Variants in ROBO2 observed in about 807,000 individuals in gnomAD.
ROBO2 encodes roundabout guidance receptor 2.
Under a neutral mutation model 160.8 loss-of-function variants are expected in ROBO2, and 53 were observed. That is an observed-to-expected ratio of 0.33 (90% confidence interval 0.26 to 0.41). The LOEUF (loss-of-function observed/expected upper bound fraction) is 0.41, where lower values mean the gene tolerates loss of function less well. Among genes scored for constraint, ROBO2 ranks in the 10% least tolerant of loss-of-function variants. The probability of loss-of-function intolerance (pLI) is 1.00; values close to 1 mark genes in which losing one functional copy is unlikely to be tolerated. For synonymous variants in ROBO2, 664 were observed against 611.7 expected, an observed-to-expected ratio of 1.09 and a Z score of -1.26; for missense variants, 1,577 against 1,722.4, an observed-to-expected ratio of 0.92 and a Z score of 1.49.
At chr3:76,789,162 G>C (rs1223338260) in intron 2 of ROBO2, among the ~76,000 whole-genome samples, 1 of 151,494 alleles carries the variant, frequency 6.6e-6, no homozygotes, top group Non-Finnish European at 1.5e-5. Flanking sequence ...AAAGAACACT[G>C]TATCCTTAGA....
chr3:77,395,085 C>T (rs375911846), intron 2 of ROBO2, among the ~76,000 whole-genome samples: 7 of 152,176 alleles, frequency 4.6e-5, no homozygotes, highest in East Asian at 3.9e-4. Context: ...AGATGCATAA[C>T]GGAAGAGTTC....
chr3:76,448,443 C>G (rs529621432), intron 2 of ROBO2, among the ~76,000 whole-genome samples: 2 of 152,198 alleles, frequency 1.3e-5, no homozygotes, highest in African/African-American at 2.4e-5. Context: ...GGCCAGTTCA[C>G]CAAGGGCAAA....
At chr3:76,698,627 G>A (rs2597255) in intron 2 of ROBO2, among the ~76,000 whole-genome samples, 54,473 of 152,030 alleles carry the variant, frequency 0.36, 10,182 homozygotes, top group East Asian at 0.56. Flanking sequence ...TGAAAGTGCT[G>A]TGTTCAAGTG....
At position 76,911,020 on chromosome 3, in the gene ROBO2, G is replaced by A. The variant is rs1285265383; in HGVS notation, c.110-186994G>A. Among the ~76,000 whole-genome samples, 3 of 152,170 alleles carry A rather than the reference G, an allele frequency of 2.0e-5. No homozygotes were observed. In the East Asian group the frequency reaches 5.8e-4, roughly 30 times the overall value. ...TAATTTTAATAGTGTATGTGTTGGC[G>A]TGCATTTGGAAAGGTTCTATAATCT... On this transcript the variant is annotated intron_variant, in intron 2 of 26. Coordinates refer to the ROBO2 transcript ENST00000487694.
chr3:77,022,561 T>G (rs2062705195), intron 2 of ROBO2, among the ~76,000 whole-genome samples: 1 of 152,184 alleles, frequency 6.6e-6, no homozygotes, highest in Admixed American at 6.5e-5. Context: ...TTCATCAAAC[T>G]TAAACATAAA....
At chr3:76,468,440 A>G (rs2078474593) in intron 2 of ROBO2, among the ~76,000 whole-genome samples, 1 of 152,086 alleles carries the variant, frequency 6.6e-6, no homozygotes, top group Non-Finnish European at 1.5e-5. Flanking sequence ...AAAGCAATGA[A>G]AGGATACAAT....
At chr3:76,023,501 GAGA>G (rs1019539907) in intron 2 of ROBO2, among the ~76,000 whole-genome samples, 4 of 151,538 alleles carry the variant, frequency 2.6e-5, no homozygotes, top group Admixed American at 1.3e-4. Context: ...GAGGCTTGAG[GAGA>G]AGAAGAGAGA....
chr3:76,752,506 A>C (rs1232646248), intron 2 of ROBO2, among the ~76,000 whole-genome samples: 1 of 151,768 alleles, frequency 6.6e-6, no homozygotes, highest in African/African-American at 2.4e-5. Flanking sequence ...TTTGTGATAC[A>C]TTTTTTCTCT....
chr3:77,457,314 T>C (rs2081762284), intron 2 of ROBO2, among the ~76,000 whole-genome samples: 1 of 152,174 alleles, frequency 6.6e-6, no homozygotes, highest in Non-Finnish European at 1.5e-5. Context: ...TTTTTTTCTT[T>C]CTGTGAGCTC....
intron 2 of ROBO2, among the ~76,000 whole-genome samples, chr3:76,572,844 T>A (rs1165056052): frequency 6.6e-6 from 1 of 152,160 alleles, no homozygotes; most frequent in Non-Finnish European, 1.5e-5. Context: ...ACTTTGTCCA[T>A]CATAGTCCCG....
intron 2 of ROBO2, among the ~76,000 whole-genome samples, chr3:76,203,200 AGAAAGGTTGACTGATAC>A (rs1389052692): frequency 6.6e-6 from 1 of 152,178 alleles, no homozygotes; most frequent in Non-Finnish European, 1.5e-5. Flanking sequence ...CTTTGTACTC[AGAAAGGTTGACTGATAC>A]GGACTCCATC....
intron 2 of ROBO2, among the ~76,000 whole-genome samples, chr3:76,640,021 C>T (rs375288937): frequency 1.6e-4 from 25 of 152,170 alleles, no homozygotes; most frequent in Non-Finnish European, 2.2e-4. Context: ...AGCAAGTCTG[C>T]AGCTACTTTA....
chr3:76,097,620 A>G (rs948165376), intron 2 of ROBO2, among the ~76,000 whole-genome samples: 2 of 152,212 alleles, frequency 1.3e-5, no homozygotes, highest in Non-Finnish European at 2.9e-5. Flanking sequence ...GGAAATTAAA[A>G]TAAACAAAAA....
chr3:77,237,559 C>A (rs2088259303), intron 2 of ROBO2, among the ~76,000 whole-genome samples: 1 of 151,830 alleles, frequency 6.6e-6, no homozygotes, highest in African/African-American at 2.4e-5. Flanking sequence ...ACCACTGCAC[C>A]TGGTGATAGC....
At chr3:77,042,151 C>T (rs1478093380) in intron 1 of ROBO2, among the ~76,000 whole-genome samples, 1 of 152,146 alleles carries the variant, frequency 6.6e-6, no homozygotes, top group African/African-American at 2.4e-5. Context: ...TGCCCCCCAG[C>T]GATAGTGAGG....
intron 2 of ROBO2, among the ~76,000 whole-genome samples, chr3:77,204,621 A>G (rs2083242386): frequency 1.3e-5 from 2 of 152,206 alleles, no homozygotes; most frequent in Non-Finnish European, 2.9e-5. Flanking sequence ...AAAAATAGTT[A>G]ATAATTTTTC....
At chr3:76,595,585 A>G (rs1420168392) in intron 2 of ROBO2, among the ~76,000 whole-genome samples, 2 of 152,100 alleles carry the variant, frequency 1.3e-5, no homozygotes, top group African/African-American at 4.8e-5. Context: ...ATAAAGCATG[A>G]ACGTGATCTT....
At chr3:76,259,805 A>G (rs1160637105) in intron 2 of ROBO2, among the ~76,000 whole-genome samples, 1 of 152,086 alleles carries the variant, frequency 6.6e-6, no homozygotes, top group African/African-American at 2.4e-5. Context: ...CTTGGTCAAC[A>G]AGAAAGACCC....
chr3:77,174,397 A>G (rs1329195023), intron 2 of ROBO2, among the ~76,000 whole-genome samples: 1 of 152,166 alleles, frequency 6.6e-6, no homozygotes, highest in East Asian at 1.9e-4. Flanking sequence ...ATTAGCCCGT[A>G]TTAATAGGCT....
Sources: gnomAD v4.1 joint callset for allele counts (sites outside exome capture counted in the v4.1 genomes callset) on GRCh38, gnomAD v4.1.1 for gene constraint, MANE v1.5 for transcripts, NCBI Gene and HGNC (gene_info 2026-07-23, HGNC 2026-07-21) for gene names.